The following EPB41L3 variants were observed in gnomAD, a reference collection of about 807,000 sequenced individuals.
EPB41L3 encodes band 4.1-like protein 3.
In EPB41L3, 57 loss-of-function variants were observed where a neutral mutation model predicts 127.1. The observed-to-expected ratio is 0.45, with a 90% CI of 0.36 to 0.56. EPB41L3 has a LOEUF of 0.56. Among genes scored for constraint, EPB41L3 ranks in the 20% least tolerant of loss-of-function variants. EPB41L3 has a pLI of 0.00. For synonymous variants in EPB41L3, 572 were observed against 549.5 expected, an observed-to-expected ratio of 1.04 and a Z score of -0.57; for missense variants, 1,273 against 1,372.2, an observed-to-expected ratio of 0.93 and a Z score of 1.14.
At chr18:5,583,800 G>C (rs188639104) in intron 3 of EPB41L3, among the ~76,000 whole-genome samples, 47 of 152,150 alleles carry the variant, frequency 3.1e-4, no homozygotes, top group Admixed American at 8.5e-4. Flanking sequence ...AGGGACGTGG[G>C]TCTAGAAAAT....
intron 1 of EPB41L3, among the ~76,000 whole-genome samples, chr18:5,514,315 T>C (rs1290215346): frequency 6.6e-6 from 1 of 152,242 alleles, no homozygotes; most frequent in Non-Finnish European, 1.5e-5. Context: ...TGTTTTTATA[T>C]GTGATGCCAA....
At chr18:5,474,188 G>A (rs1056608777) in intron 3 of EPB41L3, among the ~76,000 whole-genome samples, 4 of 151,500 alleles carry the variant, frequency 2.6e-5, no homozygotes, top group East Asian at 2.0e-4. Context: ...CCGAGATCGC[G>A]CCACTGCACT....
chr18:5,420,052 T>G, intron 11 of EPB41L3, 175 bp from the exon 12 acceptor site: 1 of 1,385,758 alleles, frequency 7.2e-7, no homozygotes. Flanking sequence ...CAGGTTTGCC[T>G]TGAAAAAACA....
intron 3 of EPB41L3, among the ~76,000 whole-genome samples, chr18:5,586,608 C>T (rs549799951): frequency 7.1e-6 from 1 of 140,204 alleles, no homozygotes; most frequent in East Asian, 2.1e-4. Flanking sequence ...CACTATGTTG[C>T]CCAGGCTGGT....
At chr18:5,395,182 T>TC (rs1335084103) in intron 20 of EPB41L3, 35 bp from the exon 21 acceptor site, 3 of 1,574,568 alleles carry the variant, frequency 1.9e-6, no homozygotes, top group Non-Finnish European at 2.6e-6. Context: ...ATGAATTTAC[T>TC]CACTGGGAGA....
At chr18:5,422,643 A>ACC (rs1325885437) in intron 11 of EPB41L3, among the ~76,000 whole-genome samples, 1 of 152,200 alleles carries the variant, frequency 6.6e-6, no homozygotes, top group Non-Finnish European at 1.5e-5. Context: ...TACAGCGGGC[A>ACC]CGCCTTGCAG....
intron 1 of EPB41L3, among the ~76,000 whole-genome samples, chr18:5,541,074 G>A (rs1275366373): frequency 8.7e-6 from 1 of 114,970 alleles, no homozygotes; most frequent in Non-Finnish European, 1.8e-5. Flanking sequence ...GACAGAGCGA[G>A]ACTCCGTCTC....
intron 3 of EPB41L3, among the ~76,000 whole-genome samples, chr18:5,559,951 G>A (rs2149197135): frequency 6.6e-6 from 1 of 152,316 alleles, no homozygotes; most frequent in Non-Finnish European, 1.5e-5. Context: ...TCTGTAGAAT[G>A]AGCATGTTAT....
At chr18:5,547,194 C>T (rs114495575), upstream of EPB41L3, among the ~76,000 whole-genome samples, 395 of 152,286 alleles carry the variant, frequency 2.6e-3, 1 homozygote, top group African/African-American at 8.9e-3. Context: ...TGCTTGCTTT[C>T]TTAGAATACT....
chr18:5,464,076 A>G (rs1043262965), intron 3 of EPB41L3, among the ~76,000 whole-genome samples: 1 of 152,134 alleles, frequency 6.6e-6, no homozygotes, highest in African/African-American at 2.4e-5. Context: ...TGTTTCAAAC[A>G]TACTCAACAC....
At chr18:5,533,558 A>G (rs924366192) in intron 1 of EPB41L3, among the ~76,000 whole-genome samples, 4 of 152,196 alleles carry the variant, frequency 2.6e-5, no homozygotes, top group Non-Finnish European at 5.9e-5. Context: ...TAATATCTTA[A>G]AAGTATCTGT....
chr18:5,419,474 A>G (rs933743433), intron 12 of EPB41L3, among the ~76,000 whole-genome samples: 4 of 152,278 alleles, frequency 2.6e-5, no homozygotes, highest in Non-Finnish European at 5.9e-5. Flanking sequence ...CAGCTATTGA[A>G]AGTCTTACAT....
At chr18:5,419,228 G>A (rs536554019) in intron 12 of EPB41L3, among the ~76,000 whole-genome samples, 161 of 152,290 alleles carry the variant, frequency 1.1e-3, no homozygotes, top group Middle Eastern at 6.8e-3. Context: ...AACATGGCCA[G>A]TCACTACTCT....
Position 5,416,228 on chromosome 18 carries a change from C to T in EPB41L3, c.1657G>A (p.Glu553Lys). The T allele has an allele frequency of 6.2e-7, 1 of 1,614,160 alleles. No individual in the cohort carries two copies. Among genetic ancestry groups the T allele is most frequent in the Non-Finnish European group, 8.5e-7 (1 of 1,180,042 alleles). Reference protein sequence around the residue: ...EPSRAEHLPGEPALDSDGPGR... With the variant: ...EPSRAEHLPGKPALDSDGPGR... Reference sequence around the variant, plus strand: ...GGGCCATCAGAGTCCAAGGCGGGCTCTCCAGGCAGGTGCTCAGCTCTGGAC... The same window carrying T: ...GGGCCATCAGAGTCCAAGGCGGGCTTTCCAGGCAGGTGCTCAGCTCTGGAC... The change falls in exon 13 of 23, where the codon GAG becomes AAG. Residue 553 changes from glutamate to lysine, a missense_variant. This residue lies in a region of EPB41L3 where 765 missense variants were observed against 782.9 expected (regional missense o/e 0.98). Transcript: ENST00000341928.
chr18:5,604,468 T>C (rs142254545), intron 3 of EPB41L3, among the ~76,000 whole-genome samples: 7 of 152,316 alleles, frequency 4.6e-5, no homozygotes, highest in African/African-American at 1.7e-4. Flanking sequence ...TCTTTCTCTT[T>C]TTTTTGACAG....
At position 5,407,307 on chromosome 18, in the gene EPB41L3, A is replaced by T. The variant is rs1415144272; in HGVS notation, c.2158-339T>A. 1.0e-5 allele frequency: 4 copies of T among 388,886 alleles called. No homozygotes were observed. The Admixed American group carries it at 1.7e-4, about 16-fold the overall frequency. 24.1% of individuals were successfully genotyped at this position (388,886 alleles called of 1,614,324 possible). A position where few individuals can be genotyped will look rare whatever the true frequency, so the allele number is the denominator to read the frequency against. ...TATCTAGGAGCGAATAACAAATCAG[A>T]AGCTGAGAAGTCATCCCCACTTATT... On this transcript the variant is annotated intron_variant, in intron 15 of 22. Transcript: ENST00000341928.
intron 1 of EPB41L3, among the ~76,000 whole-genome samples, chr18:5,514,818 A>T (rs1441727822): frequency 1.3e-5 from 2 of 152,222 alleles, no homozygotes; most frequent in African/African-American, 4.8e-5. Flanking sequence ...CCTAGAATCC[A>T]TTAGTGCTGA....
chr18:5,410,187 T>C (rs1372153677), intron 14 of EPB41L3, among the ~76,000 whole-genome samples: 1 of 151,630 alleles, frequency 6.6e-6, no homozygotes, highest in Non-Finnish European at 1.5e-5. Flanking sequence ...TATACATCTG[T>C]AGCCTCTCAT....
intron 1 of EPB41L3, among the ~76,000 whole-genome samples, chr18:5,627,092 T>G (rs2094930759): frequency 2.0e-5 from 3 of 152,182 alleles, no homozygotes. Context: ...GTTTACGCAG[T>G]GCTCCAGGAG....
Sources: allele counts gnomAD v4.1 joint callset (sites outside exome capture counted in the v4.1 genomes callset), GRCh38; gene constraint gnomAD v4.1.1; regional missense constraint gnomAD v4.1.1; transcripts MANE v1.5; gene names NCBI Gene and HGNC (gene_info 2026-07-23, HGNC 2026-07-21).